PARD3: variants seen among roughly 807,000 people sequenced by gnomAD.
The protein encoded by PARD3 is par-3 family cell polarity regulator.
Under a neutral mutation model 155.4 loss-of-function variants are expected in PARD3, and 75 were observed. The observed-to-expected ratio is 0.48, with a 90% CI of 0.40 to 0.58. The LOEUF is 0.58. Ranked by LOEUF, PARD3 falls within the 20% of genes least tolerant of loss-of-function variation. PARD3 has a pLI of 0.00. For synonymous variants in PARD3, 576 were observed against 610.5 expected (o/e 0.94, Z 0.83); for missense variants, 1,642 against 1,721.7 (o/e 0.95, Z 0.82).
intron 2 of PARD3, among the ~76,000 whole-genome samples, chr10:34,567,042 T>C (rs536511485): frequency 6.6e-6 from 1 of 152,150 alleles, no homozygotes; most frequent in Non-Finnish European, 1.5e-5. Flanking sequence ...AATAAAGTAT[T>C]GACAAGTTAA....
At chr10:34,429,372 C>T (rs1466849162) in intron 5 of PARD3, among the ~76,000 whole-genome samples, 1 of 151,620 alleles carries the variant, frequency 6.6e-6, no homozygotes, top group Non-Finnish European at 1.5e-5. Context: ...GCATTAGAAC[C>T]ACAAGTAAAT....
At chr10:34,589,636 C>CA (rs35357373) in intron 2 of PARD3, among the ~76,000 whole-genome samples, 12,031 of 83,420 alleles carry the variant, frequency 0.14, 597 homozygotes, top group Non-Finnish European at 0.17. Context: ...AGTACATGTC[C>CA]AAAAAAAAAA....
chr10:34,677,557 T>A (rs1465473685), intron 2 of PARD3, among the ~76,000 whole-genome samples: 1 of 151,780 alleles, frequency 6.6e-6, no homozygotes, highest in African/African-American at 2.4e-5. Context: ...GTAGAATTGA[T>A]GACATATTAA....
At chr10:34,698,672 G>A (rs943189675) in intron 1 of PARD3, among the ~76,000 whole-genome samples, 28 of 152,182 alleles carry the variant, frequency 1.8e-4, no homozygotes, top group Non-Finnish European at 5.9e-5. Flanking sequence ...CTCCCAAAGT[G>A]CTGGGATGAT....
intron 21 of PARD3, among the ~76,000 whole-genome samples, chr10:34,271,416 C>T (rs1006624143): frequency 3.9e-5 from 6 of 152,094 alleles, no homozygotes; most frequent in African/African-American, 1.4e-4. Flanking sequence ...AAATCAATTA[C>T]TACAATCCAT....
chr10:34,234,709 T>C (rs1158671124), intron 22 of PARD3, among the ~76,000 whole-genome samples: 1 of 152,156 alleles, frequency 6.6e-6, no homozygotes. Context: ...CCATCCCCCA[T>C]GCTAGAAAAG....
intron 1 of PARD3, among the ~76,000 whole-genome samples, chr10:34,710,033 C>T (rs564268645): frequency 7.9e-5 from 12 of 152,048 alleles, no homozygotes; most frequent in African/African-American, 2.7e-4. Flanking sequence ...TTTGGTACCA[C>T]GCATCAAAAT....
At chr10:34,586,935 G>A (rs1301386986) in intron 2 of PARD3, among the ~76,000 whole-genome samples, 1 of 152,054 alleles carries the variant, frequency 6.6e-6, no homozygotes, top group African/African-American at 2.4e-5. Flanking sequence ...GGCAACAAGA[G>A]CAAAACTCCA....
chr10:34,518,222 A>C (rs1262335184), intron 2 of PARD3, among the ~76,000 whole-genome samples: 2 of 152,178 alleles, frequency 1.3e-5, no homozygotes, highest in Non-Finnish European at 2.9e-5. Flanking sequence ...AAATACACCG[A>C]CAAATGGGTA....
intron 22 of PARD3, among the ~76,000 whole-genome samples, chr10:34,209,454 T>C (rs1159242420): frequency 6.6e-6 from 1 of 152,340 alleles, no homozygotes; most frequent in Non-Finnish European, 1.5e-5. Flanking sequence ...AAGCCAAGTA[T>C]AGTTGATTCT....
chr10:34,566,808 C>A (rs2085980804), intron 2 of PARD3, among the ~76,000 whole-genome samples: 1 of 152,078 alleles, frequency 6.6e-6, no homozygotes, highest in South Asian at 2.1e-4. Flanking sequence ...AAATAAAGCA[C>A]AAGACACTGA....
intron 3 of PARD3, among the ~76,000 whole-genome samples, chr10:34,480,374 A>T (rs2078997861): frequency 6.6e-6 from 1 of 152,188 alleles, no homozygotes; most frequent in Admixed American, 6.5e-5. Flanking sequence ...AACTGAGACT[A>T]TAGGTGGACA....
intron 22 of PARD3, among the ~76,000 whole-genome samples, chr10:34,176,858 G>T (rs1950052163): frequency 6.6e-6 from 1 of 152,090 alleles, no homozygotes; most frequent in Non-Finnish European, 1.5e-5. Context: ...GGCTTTCCTT[G>T]GTTACAAAAT....
chr10:34,220,472 C>T (rs1340090258), intron 22 of PARD3, among the ~76,000 whole-genome samples: 2 of 152,180 alleles, frequency 1.3e-5, no homozygotes, highest in African/African-American at 4.8e-5. Context: ...GTGCATTTTA[C>T]CTGTGCGATT....
intron 2 of PARD3, among the ~76,000 whole-genome samples, chr10:34,556,801 G>T (rs892976122): frequency 3.3e-5 from 5 of 151,888 alleles, no homozygotes; most frequent in Admixed American, 3.3e-4. Flanking sequence ...CACACAAACC[G>T]TTTCCTTTCC....
chr10:34,704,255 G>A (rs1479255357), intron 1 of PARD3, among the ~76,000 whole-genome samples: 2 of 151,942 alleles, frequency 1.3e-5, no homozygotes, highest in Non-Finnish European at 1.5e-5. Flanking sequence ...TCAACCAAAG[G>A]AAAAAACATT....
intron 22 of PARD3, among the ~76,000 whole-genome samples, chr10:34,248,401 T>C (rs1954094289): frequency 6.6e-6 from 1 of 152,218 alleles, no homozygotes; most frequent in Non-Finnish European, 1.5e-5. Flanking sequence ...CTATCAGAAA[T>C]TGAATCTGTT....
intron 7 of PARD3, among the ~76,000 whole-genome samples, chr10:34,391,883 T>C (rs1842898408): frequency 6.6e-6 from 1 of 152,204 alleles, no homozygotes; most frequent in Non-Finnish European, 1.5e-5. Context: ...TGGCCAGAAG[T>C]GATGGCTCAC....
intron 1 of PARD3, among the ~76,000 whole-genome samples, chr10:34,812,587 G>A (rs1844324532): frequency 6.6e-6 from 1 of 152,106 alleles, no homozygotes; most frequent in Non-Finnish European, 1.5e-5. Flanking sequence ...ACGAGAAAAA[G>A]GAGACCTAGA....
Sources: allele counts gnomAD v4.1 joint callset (sites outside exome capture counted in the v4.1 genomes callset), GRCh38; gene constraint gnomAD v4.1.1; transcripts MANE v1.5; gene names NCBI Gene and HGNC (gene_info 2026-07-23, HGNC 2026-07-21).